The following NAP1L4 variants were observed in gnomAD, a reference collection of about 807,000 sequenced individuals.
The protein encoded by NAP1L4 is nucleosome assembly protein 1 like 4.
In NAP1L4, 15 loss-of-function variants were observed where a neutral mutation model predicts 58.2. That is an observed-to-expected ratio of 0.26 (90% CI 0.17 to 0.40). The LOEUF (loss-of-function observed/expected upper bound fraction) is 0.40. Ranked by LOEUF, NAP1L4 falls within the 10% of genes least tolerant of loss-of-function variation. NAP1L4 has a pLI of 1.00. For synonymous variants in NAP1L4, 171 were observed against 155.6 expected (o/e 1.10, Z -0.74); for missense variants, 384 against 451.1 (o/e 0.85, Z 1.35).
intron 7 of NAP1L4, among the ~76,000 whole-genome samples, chr11:2,965,402 T>A (rs1233664483): frequency 1.3e-5 from 2 of 152,194 alleles, no homozygotes; most frequent in East Asian, 3.9e-4. Context: ...CTGGTGATGG[T>A]ACTTATTTGT....
chr11:2,958,647 C>T (rs563867641), intron 9 of NAP1L4, 103 bp from the exon 10 acceptor site: 27 of 1,198,896 alleles, frequency 2.3e-5, no homozygotes, highest in Admixed American at 1.0e-4. Context: ...ACCTGGAAAA[C>T]GAAATAAAAC....
intron 4 of NAP1L4, among the ~76,000 whole-genome samples, chr11:2,974,774 C>A (rs1050884501): frequency 6.6e-6 from 1 of 152,044 alleles, no homozygotes; most frequent in Non-Finnish European, 1.5e-5. Flanking sequence ...AACAAAAAAA[C>A]ACGTGCAGCA....
Position 2,945,633 on chromosome 11 carries a change from T to C in NAP1L4, c.*46A>G, listed in dbSNP as rs554900404. 4.9e-5 allele frequency: 75 copies of C among 1,535,458 alleles called. No homozygotes were observed. The highest frequency in any genetic ancestry group is 1.7e-4 in the Middle Eastern group (1 of 6,010). Reference sequence around the variant, plus strand: ...CTACTGCTGCTTGCATTCCGCCGGCTGGCTGGGTTCCTTCTGTCAATGAAA... The same window carrying C: ...CTACTGCTGCTTGCATTCCGCCGGCCGGCTGGGTTCCTTCTGTCAATGAAA... On this transcript the variant is annotated 3_prime_UTR_variant, in exon 16 of 16. Coordinates refer to ENST00000380542, the MANE Select transcript of NAP1L4 (RefSeq NM_005969.4).
chr11:2,956,165 A>AAG (rs1324855486), intron 10 of NAP1L4, among the ~76,000 whole-genome samples: 1 of 152,236 alleles, frequency 6.6e-6, no homozygotes, highest in Non-Finnish European at 1.5e-5. Flanking sequence ...TGGTGCAGGA[A>AAG]AGAGAAAGTC....
In NAP1L4 at chr11:2,963,399, T is replaced by C. The variant is rs115339650; in HGVS notation, c.606+1281A>G. Among the ~76,000 whole-genome samples the C allele has an allele frequency of 5.3e-3, 801 of 152,186 alleles. 9 individuals are homozygous for C. The highest frequency in any genetic ancestry group is 0.018 in the African/African-American group (734 of 41,546). ...TGCAAGCCCAGGAAGAAGGACCTGC[T>C]ATAACCCACATGGGGCAAGGAAGAT... On this transcript the variant is annotated intron_variant, in intron 8 of 15. Transcript: ENST00000380542.
chr11:2,979,163 A>G, intron 2 of NAP1L4, 44 bp downstream of exon 2: 1 of 1,592,572 alleles, frequency 6.3e-7, no homozygotes, highest in Non-Finnish European at 8.6e-7. Context: ...GTTGCTCACC[A>G]ACTGAATTTT....
chr11:2,968,237 T>TA (rs1469985317), intron 7 of NAP1L4, among the ~76,000 whole-genome samples: 4 of 152,202 alleles, frequency 2.6e-5, no homozygotes, highest in Admixed American at 1.3e-4. Flanking sequence ...TTAGAGTTCC[T>TA]AAAACCAACT....
Position 2,945,461 on chromosome 11 carries a change from G to C in NAP1L4, c.*218C>G, listed in dbSNP as rs1845890768. On this transcript the variant is annotated 3_prime_UTR_variant, in exon 16 of 16. Transcript: ENST00000380542. ...AGTTAAGCAAAATAATAAGGAAAAA[G>C]GAAAAGTGAAAGTGAAAATCATGCA... The C allele has an allele frequency of 2.9e-6, 2 of 698,434 alleles. No homozygotes were observed. Among genetic ancestry groups the C allele is most frequent in the East Asian group, 5.7e-5 (2 of 35,000 alleles). The allele number at this position is 698,434 out of a possible 1,614,324, so 43.3% of individuals were successfully genotyped here.
chr11:2,951,273 C>T lies in NAP1L4; in HGVS notation c.1108G>A (p.Glu370Lys), dbSNP rs867268291. The T allele has an allele frequency of 6.2e-7, 1 of 1,614,102 alleles. No individual in the cohort carries two copies. The change falls in exon 14 of 16, where the codon GAA (glutamate) becomes AAA (lysine). Residue 370 changes from glutamate to lysine, a missense_variant. Transcript: ENST00000380542. This position sits in a 1 kb window ranked among gnomAD's most constrained non-coding sequence, Gnocchi z 4.0. ...DEEGEDEDDAEINPKV is the reference protein window; with the variant it reads ...DEEGEDEDDAKINPKV ...AAGTTACCAACCTTGGGGTTAATTT[C>T]CGCATCATCCTCGTCTTCTCCCTCC...
At position 2,955,122 on chromosome 11, in the gene NAP1L4, T is replaced by A. The variant is rs1327185405; in HGVS notation, c.916-476A>T. The stretch of plus-strand genomic sequence containing the variant: ...CCCAGGTTGGAGGGCAGTGGTGCAA[T>A]CACAGCTCACTCCAGCCTCAAGCTC... On this transcript the variant is annotated intron_variant, in intron 11 of 15. Coordinates refer to ENST00000380542, the MANE Select transcript of NAP1L4 (RefSeq NM_005969.4). The surrounding 1 kb of genome is among the most constrained non-coding windows in gnomAD (Gnocchi z 4.2). Among the ~76,000 whole-genome samples, 2 of 152,064 alleles carry A rather than the reference T, an allele frequency of 1.3e-5. No individual in the cohort carries two copies. Among genetic ancestry groups the A allele is most frequent in the African/African-American group, 2.4e-5 (1 of 41,402 alleles).
Position 2,979,227 on chromosome 11 carries a change from G to A in NAP1L4, c.-7C>T, listed in dbSNP as rs1319315133. The A allele has an allele frequency of 6.2e-6, 10 of 1,609,274 alleles. No individual in the cohort carries two copies. The highest frequency in any genetic ancestry group is 5.1e-5 in the Admixed American group (3 of 59,326). ...CTTACCTGTGATCTGCCATCTGAATGTTTTTATCCCCTATAAATTAAAAAG... is the reference window on the plus strand; with the variant it reads ...CTTACCTGTGATCTGCCATCTGAATATTTTTATCCCCTATAAATTAAAAAG... On this transcript the variant is annotated 5_prime_UTR_variant, in exon 2 of 16. Transcript: ENST00000380542.
chr11:2,991,041 G>T, intron 1 of NAP1L4: 1 of 454,586 alleles, frequency 2.2e-6, no homozygotes, highest in Non-Finnish European at 4.4e-6. Flanking sequence ...AAGTAATGCA[G>T]ACTGGGGGAT....
chr11:2,968,135 C>G (rs2133960419), intron 7 of NAP1L4, among the ~76,000 whole-genome samples: 1 of 152,288 alleles, frequency 6.6e-6, no homozygotes, highest in East Asian at 1.9e-4. Flanking sequence ...ATGGCCACTC[C>G]CCATGCCCCC....
In NAP1L4 at chr11:2,945,567, G is replaced by T; in HGVS notation, c.*112C>A. The T allele has an allele frequency of 6.5e-7, 1 of 1,529,488 alleles. No homozygotes were observed. Among genetic ancestry groups the T allele is most frequent in the Non-Finnish European group, 8.8e-7 (1 of 1,141,096 alleles). 94.7% of individuals were successfully genotyped at this position (1,529,488 alleles called of 1,614,324 possible). On this transcript the variant is annotated 3_prime_UTR_variant, in exon 16 of 16. Transcript: ENST00000380542. ...GACCGAGGCCCCGCCCACAGGCCTG[G>T]AGTCCCGACAGCCGGTCTGCCAGGC...
chr11:2,970,918 A>T (rs1330010094), intron 6 of NAP1L4, among the ~76,000 whole-genome samples: 1 of 152,182 alleles, frequency 6.6e-6, no homozygotes, highest in Admixed American at 6.5e-5. Context: ...CCAAACATAA[A>T]ATCAGGCTGA....
intron 15 of NAP1L4, among the ~76,000 whole-genome samples, chr11:2,947,782 T>C (rs375734328): frequency 6.6e-6 from 1 of 152,156 alleles, no homozygotes; most frequent in African/African-American, 2.4e-5. Flanking sequence ...TCATCTCTCA[T>C]GGGACCATTT....
At chr11:2,982,087 A>C (rs1163618773) in intron 1 of NAP1L4, among the ~76,000 whole-genome samples, 1 of 152,214 alleles carries the variant, frequency 6.6e-6, no homozygotes, top group East Asian at 1.9e-4. Context: ...CTGTTAAAGA[A>C]TGAGGTGTTT....
chr11:2,980,991 G>A (rs1247610865), intron 1 of NAP1L4, among the ~76,000 whole-genome samples: 3 of 151,930 alleles, frequency 2.0e-5, no homozygotes, highest in Non-Finnish European at 2.9e-5. Flanking sequence ...CACTTTGGGA[G>A]GCCAAAGTGG....
intron 6 of NAP1L4, 76 bp from the exon 7 acceptor site, chr11:2,970,010 T>C (rs959816046): frequency 2.0e-5 from 29 of 1,452,070 alleles, no homozygotes; most frequent in Non-Finnish European, 2.5e-5. Flanking sequence ...AGAATATCGT[T>C]GCCGAATCCT....
Sources: gnomAD v4.1 joint callset for allele counts (sites outside exome capture counted in the v4.1 genomes callset) on GRCh38, gnomAD v4.1.1 for gene constraint, Gnocchi (gnomAD v3.1) non-coding constraint, MANE v1.5 for transcripts, NCBI Gene and HGNC (gene_info 2026-07-23, HGNC 2026-07-21) for gene names.